The following NEK11 variants were observed in gnomAD, a reference collection of about 807,000 sequenced individuals.
NEK11 encodes NIMA related kinase 11.
In NEK11, 72 loss-of-function variants were observed where a neutral mutation model predicts 80.7. The ratio of observed to expected loss-of-function variants is 0.89; its 90% CI spans 0.74 to 1.08. The LOEUF is 1.08. NEK11 is among the 50% of genes least tolerant of loss of function. NEK11 has a pLI of 0.00. For synonymous variants in NEK11, 251 were observed against 260.7 expected, an observed-to-expected ratio of 0.96 and a Z score of 0.36; for missense variants, 764 against 763.6, an observed-to-expected ratio of 1.00 and a Z score of -0.01.
rs533980442 is a variant in NEK11 at position 131,332,629 on chromosome 3, C to T, written c.1719-16928C>T. Among the ~76,000 whole-genome samples the T allele has an allele frequency of 1.7e-4, 26 of 152,130 alleles. No homozygotes were observed. The South Asian group carries it at 4.6e-3, about 27-fold the overall frequency. On this transcript the variant is annotated intron_variant, in intron 17 of 17. Coordinates refer to ENST00000383366, the MANE Select transcript of NEK11 (RefSeq NM_024800.5). ...AAAGCTGGATGGAGAATGACTTTGA[C>T]GAGCTGAGAGAAGAAGGCTTCAGAT...
At chr3:131,223,910 T>A in intron 14 of NEK11, among the ~76,000 whole-genome samples, 1 of 152,148 alleles carries the variant, frequency 6.6e-6, no homozygotes, top group East Asian at 1.9e-4. Flanking sequence ...TTTGAGAAAT[T>A]ATTCTATTTA....
intron 7 of NEK11, among the ~76,000 whole-genome samples, chr3:131,143,096 TCAAAAGC>T (rs1325630766): frequency 6.6e-6 from 1 of 152,186 alleles, no homozygotes; most frequent in Non-Finnish European, 1.5e-5. Context: ...TTTTCAGTGC[TCAAAAGC>T]CAAATGTGGC....
intron 14 of NEK11, among the ~76,000 whole-genome samples, chr3:131,207,685 G>A (rs917625097): frequency 1.3e-5 from 2 of 152,130 alleles, no homozygotes; most frequent in Non-Finnish European, 2.9e-5. Flanking sequence ...GTATTTCATT[G>A]TGGTTTTGAT....
chr3:131,217,772 T>G lies in NEK11; in HGVS notation c.1400-10756T>G, dbSNP rs528706855. ...TTTCCCTGCACTTTTATTAGGTATT[T>G]TTCTAAATACAATTTCTTAAAAAAA... is the stretch of plus-strand genomic sequence containing the variant. On this transcript the variant is annotated intron_variant, in intron 14 of 17. Transcript: ENST00000383366. 2.6e-5 allele frequency among the ~76,000 whole-genome samples: 4 copies of G among 152,300 alleles called. No individual in the cohort carries two copies. In the East Asian group the frequency reaches 7.7e-4, roughly 29 times the overall value.
At chr3:131,150,774 T>A (rs757768331) in intron 7 of NEK11, among the ~76,000 whole-genome samples, 3 of 152,044 alleles carry the variant, frequency 2.0e-5, no homozygotes, top group Non-Finnish European at 2.9e-5. Context: ...TTTATGCTTA[T>A]TTTTTGGTGC....
chr3:131,232,759 A>G (rs1246942229), intron 15 of NEK11, among the ~76,000 whole-genome samples: 2 of 152,194 alleles, frequency 1.3e-5, no homozygotes, highest in Admixed American at 1.3e-4. Flanking sequence ...AGGTGCCTCC[A>G]AGAGTTCCTG....
intron 3 of NEK11, among the ~76,000 whole-genome samples, chr3:131,053,994 C>A (rs1007996283): frequency 6.6e-6 from 1 of 152,238 alleles, no homozygotes; most frequent in Admixed American, 6.5e-5. Flanking sequence ...TGGTGAACAT[C>A]TTTCCAAGCT....
intron 4 of NEK11, among the ~76,000 whole-genome samples, chr3:131,099,901 A>G (rs1578246993): frequency 6.6e-6 from 1 of 152,214 alleles, no homozygotes. Flanking sequence ...GAATAGAATC[A>G]TACTGTCAGC....
At chr3:131,192,045 A>G (rs996570770) in intron 14 of NEK11, among the ~76,000 whole-genome samples, 4 of 152,216 alleles carry the variant, frequency 2.6e-5, no homozygotes, top group Non-Finnish European at 5.9e-5. Context: ...CACATATCCA[A>G]TAAGGGATTA....
chr3:131,178,620 C>T (rs72989867), intron 14 of NEK11, among the ~76,000 whole-genome samples: 114 of 152,270 alleles, frequency 7.5e-4, no homozygotes, highest in African/African-American at 2.5e-3. Flanking sequence ...CTGTCACCTC[C>T]TATGATAACA....
At chr3:131,115,915 TTTC>T (rs2080981501) in intron 5 of NEK11, among the ~76,000 whole-genome samples, 1 of 70,896 alleles carries the variant, frequency 1.4e-5, no homozygotes, top group Non-Finnish European at 2.9e-5. Flanking sequence ...TCTTTCTTTC[TTTC>T]TTTCTTTCTT....
intron 17 of NEK11, among the ~76,000 whole-genome samples, chr3:131,283,928 C>T (rs770621631): frequency 2.6e-5 from 4 of 152,202 alleles, no homozygotes; most frequent in Non-Finnish European, 5.9e-5. Flanking sequence ...TGTCAGACCT[C>T]TTACTCAGCT....
intron 17 of NEK11, among the ~76,000 whole-genome samples, chr3:131,278,689 G>A (rs1443470410): frequency 6.6e-6 from 1 of 152,166 alleles, no homozygotes; most frequent in Non-Finnish European, 1.5e-5. Context: ...AGGGCAAGGG[G>A]CCACTGTGAC....
At chr3:131,168,602 C>T (rs1052871818) in intron 12 of NEK11, among the ~76,000 whole-genome samples, 12 of 151,860 alleles carry the variant, frequency 7.9e-5, no homozygotes, top group African/African-American at 2.9e-4. Context: ...GTGATCCGCC[C>T]GCCTCGGCCT....
At chr3:131,249,006 G>T (rs1318811104) in intron 16 of NEK11, among the ~76,000 whole-genome samples, 1 of 151,258 alleles carries the variant, frequency 6.6e-6, no homozygotes, top group African/African-American at 2.4e-5. Context: ...TTCTAGGCTG[G>T]GTGTTTTTTT....
In NEK11 at chr3:131,047,339, G is replaced by T. The variant is rs116084845; in HGVS notation, c.170+17461G>T. 5.5e-3 allele frequency among the ~76,000 whole-genome samples: 834 copies of T among 152,274 alleles called. 8 individuals are homozygous for T. The highest frequency in any genetic ancestry group is 0.019 in the African/African-American group (778 of 41,556). On this transcript the variant is annotated intron_variant, in intron 3 of 17. Coordinates refer to ENST00000383366, the MANE Select transcript of NEK11 (RefSeq NM_024800.5). Reference sequence around the variant, plus strand: ...GGTGAGTTAGTGTGATCTTTTGGGGGTGTTCACTTTGTTTTTTCGTATTAC... The same window carrying T: ...GGTGAGTTAGTGTGATCTTTTGGGGTTGTTCACTTTGTTTTTTCGTATTAC...
intron 14 of NEK11, among the ~76,000 whole-genome samples, chr3:131,183,062 G>C (rs974132012): frequency 3.9e-5 from 6 of 152,110 alleles, no homozygotes; most frequent in Non-Finnish European, 8.8e-5. Context: ...TATACATTTT[G>C]AACAGGACCA....
chr3:131,105,460 T>C (rs2079039105), intron 4 of NEK11, among the ~76,000 whole-genome samples: 1 of 152,198 alleles, frequency 6.6e-6, no homozygotes, highest in Admixed American at 6.5e-5. Context: ...ATTAGTCCAT[T>C]CTCAATGAAG....
chr3:131,184,709 TA>T, intron 14 of NEK11: 1 of 1,203,244 alleles, frequency 8.3e-7, no homozygotes, highest in Non-Finnish European at 1.1e-6. Flanking sequence ...AAGGAGACTG[TA>T]ATCTAATTTC....
Sources: allele counts gnomAD v4.1 joint callset (sites outside exome capture counted in the v4.1 genomes callset), GRCh38; gene constraint gnomAD v4.1.1; transcripts MANE v1.5; gene names NCBI Gene and HGNC (gene_info 2026-07-23, HGNC 2026-07-21).